Variants in TCF7L2 observed in about 807,000 individuals in gnomAD.
TCF7L2 encodes transcription factor 7-like 2.
TCF7L2 carries 23 observed loss-of-function variants against 77.9 expected under a neutral mutation model. That is an observed-to-expected ratio of 0.30 (90% confidence interval 0.21 to 0.42). The LOEUF (loss-of-function observed/expected upper bound fraction) is 0.42. TCF7L2 is among the 10% of genes least tolerant of loss of function. The pLI is 1.00. For synonymous variants in TCF7L2, 413 were observed against 340.2 expected, an observed-to-expected ratio of 1.21 and a Z score of -2.36; for missense variants, 654 against 793.1, an observed-to-expected ratio of 0.82 and a Z score of 2.11.
chr10:113,079,664 CT>C lies in TCF7L2; in HGVS notation c.552+39547del, dbSNP rs374272267. 2.3e-4 allele frequency among the ~76,000 whole-genome samples: 35 copies of C among 151,112 alleles called. 1 individual carries two copies. Among genetic ancestry groups the C allele is most frequent in the African/African-American group, 6.8e-4 (28 of 41,208 alleles). On this transcript the variant is annotated intron_variant, in intron 5 of 13. Transcript: ENST00000627217. ...CTTATTCTGGCAGATGGACCCATCCCTTTTTTTTTCTGAGACAGAGTCTCGC... is the reference window on the plus strand; with the variant it reads ...CTTATTCTGGCAGATGGACCCATCCCTTTTTTTTCTGAGACAGAGTCTCGC...
intron 7 of TCF7L2, among the ~76,000 whole-genome samples, chr10:113,145,764 G>A (rs1279161271): frequency 1.3e-5 from 2 of 152,140 alleles, no homozygotes; most frequent in African/African-American, 4.8e-5. Context: ...TTCAGCTTGG[G>A]GAGAGGGTCT....
At chr10:113,035,022 T>A (rs1310052258) in intron 4 of TCF7L2, among the ~76,000 whole-genome samples, 2 of 151,660 alleles carry the variant, frequency 1.3e-5, no homozygotes, top group African/African-American at 4.8e-5. Flanking sequence ...CTTTCTTTTC[T>A]CTCTTTCTCT....
rs143913193 is a variant in TCF7L2, at chr10:113,027,165, G to A, written c.451-12860G>A. The stretch of plus-strand genomic sequence containing the variant: ...CTTTTTCTTTTTGGAAGTGGAATTT[G>A]ATTTGGTGTCTGGATTTTGATAGGG... On this transcript the variant is annotated intron_variant, in intron 4 of 13. Transcript: ENST00000627217. Among the ~76,000 whole-genome samples, 720 of 152,288 alleles carry A rather than the reference G, an allele frequency of 4.7e-3. 2 individuals are homozygous for A. The highest frequency in any genetic ancestry group is 8.6e-3 in the Non-Finnish European group (582 of 68,022).
chr10:112,994,524 G>A (rs901149564), intron 4 of TCF7L2, among the ~76,000 whole-genome samples: 1 of 152,008 alleles, frequency 6.6e-6, no homozygotes, highest in Non-Finnish European at 1.5e-5. Context: ...ACAAATTTTT[G>A]TATTGACATG....
intron 5 of TCF7L2, among the ~76,000 whole-genome samples, chr10:113,115,084 G>T (rs1332735143): frequency 1.3e-5 from 2 of 152,144 alleles, no homozygotes; most frequent in Non-Finnish European, 2.9e-5. Context: ...TCGAAAAAGG[G>T]TAATACACAG....
intron 6 of TCF7L2, among the ~76,000 whole-genome samples, chr10:113,143,460 CTT>C (rs1264459605): frequency 6.6e-6 from 1 of 152,180 alleles, no homozygotes; most frequent in Non-Finnish European, 1.5e-5. Flanking sequence ...AGGGTAGTAA[CTT>C]TTCAAATGCC....
At chr10:113,119,298 C>T (rs975246509) in intron 5 of TCF7L2, among the ~76,000 whole-genome samples, 10 of 152,238 alleles carry the variant, frequency 6.6e-5, no homozygotes, top group Non-Finnish European at 7.4e-5. Flanking sequence ...TTAGTTTCAC[C>T]GGCAGCTGTT....
intron 4 of TCF7L2, among the ~76,000 whole-genome samples, chr10:112,997,466 G>C (rs549390794): frequency 1.5e-4 from 23 of 152,348 alleles, no homozygotes; most frequent in African/African-American, 5.5e-4. Context: ...CTGTGAGATA[G>C]TGAAACAATG....
intron 5 of TCF7L2, among the ~76,000 whole-genome samples, chr10:113,087,750 C>T: frequency 6.6e-6 from 1 of 152,152 alleles, no homozygotes; most frequent in East Asian, 1.9e-4. Flanking sequence ...CAGCTGCAGC[C>T]AGCGTGGGCC....
intron 11 of TCF7L2, among the ~76,000 whole-genome samples, chr10:113,156,240 C>A (rs290482): frequency 2.0e-5 from 3 of 151,918 alleles, no homozygotes; most frequent in South Asian, 2.1e-4. Flanking sequence ...TCAGCCTCCC[C>A]AGTAGCTGGG....
At chr10:113,096,797 T>C (rs1246440690) in intron 5 of TCF7L2, among the ~76,000 whole-genome samples, 1 of 152,060 alleles carries the variant, frequency 6.6e-6, no homozygotes, top group Non-Finnish European at 1.5e-5. Flanking sequence ...CTGTTTGTGC[T>C]CAGAGTGAAA....
chr10:113,009,149 C>T (rs946597295), intron 4 of TCF7L2, among the ~76,000 whole-genome samples: 4 of 152,070 alleles, frequency 2.6e-5, no homozygotes, highest in African/African-American at 4.8e-5. Flanking sequence ...TTGCCCATGC[C>T]GGAAGTCTAG....
At chr10:113,037,342 G>A (rs1224292094) in intron 4 of TCF7L2, among the ~76,000 whole-genome samples, 1 of 152,176 alleles carries the variant, frequency 6.6e-6, no homozygotes, top group Non-Finnish European at 1.5e-5. Context: ...GGCTGTCACT[G>A]TGGAGTCCCT....
intron 5 of TCF7L2, among the ~76,000 whole-genome samples, chr10:113,099,103 G>C (rs1354315164): frequency 2.0e-5 from 3 of 152,110 alleles, no homozygotes; most frequent in Non-Finnish European, 4.4e-5. Flanking sequence ...TCTTCATTGT[G>C]GGCTGTCCTT....
chr10:113,150,946 C>G (rs1564967973), intron 8 of TCF7L2, 52 bp from the exon 9 acceptor site: 1 of 1,611,192 alleles, frequency 6.2e-7, no homozygotes, highest in Non-Finnish European at 8.5e-7. Flanking sequence ...ACACATCCCT[C>G]CTCATTCATT....
At chr10:113,075,995 G>T (rs1238797827) in intron 5 of TCF7L2, among the ~76,000 whole-genome samples, 2 of 151,984 alleles carry the variant, frequency 1.3e-5, no homozygotes, top group Non-Finnish European at 2.9e-5. Context: ...AATTAGCCAG[G>T]CGTGGTGGCA....
Position 113,158,002 on chromosome 10 carries a change from GT to G in TCF7L2, c.1270-16del, listed in dbSNP as rs1430910182. ...TCTGTTTCTTGCAGTAATTCCCTGT[GT>G]TTCATCTCTTCATCTAGGGAAAGAA... On this transcript the variant is annotated intron_variant, in intron 11 of 13. Transcript: ENST00000627217. 1 of 1,577,104 alleles carries G rather than the reference GT, an allele frequency of 6.3e-7. No homozygotes were observed. Among genetic ancestry groups the G allele is most frequent in the East Asian group, 2.3e-5 (1 of 43,662 alleles).
chr10:113,050,580 G>T (rs2054246370), intron 5 of TCF7L2, among the ~76,000 whole-genome samples: 1 of 152,172 alleles, frequency 6.6e-6, no homozygotes, highest in South Asian at 2.1e-4. Context: ...ACATGGCTGG[G>T]CAGAGGGCTT....
intron 5 of TCF7L2, among the ~76,000 whole-genome samples, chr10:113,069,695 T>C (rs990199508): frequency 2.0e-5 from 3 of 152,138 alleles, no homozygotes; most frequent in Non-Finnish European, 4.4e-5. Context: ...TCAGAGACTG[T>C]GTATGTAGTC....
Sources: gnomAD v4.1 joint callset for allele counts (sites outside exome capture counted in the v4.1 genomes callset) on GRCh38, gnomAD v4.1.1 for gene constraint, MANE v1.5 for transcripts, NCBI Gene and HGNC (gene_info 2026-07-23, HGNC 2026-07-21) for gene names.